Variants in SFSWAP observed in about 807,000 individuals in gnomAD.
The protein encoded by SFSWAP is splicing factor SWAP.
A neutral mutation model predicts 100.7 loss-of-function variants in SFSWAP; 17 were observed. The observed-to-expected ratio is 0.17, with a 90% CI of 0.12 to 0.25. The LOEUF is 0.25. Ranked by LOEUF, SFSWAP falls within the 10% of genes least tolerant of loss-of-function variation. SFSWAP has a pLI of 1.00. For synonymous variants in SFSWAP, 504 were observed against 510.1 expected (o/e 0.99, Z 0.16); for missense variants, 1,005 against 1,262.6 (o/e 0.80, Z 3.09).
intron 13 of SFSWAP, among the ~76,000 whole-genome samples, chr12:131,769,172 A>G (rs1008385753): frequency 6.6e-6 from 1 of 152,118 alleles, no homozygotes. Context: ...TGAAATACAC[A>G]ACAACAAAAA....
At position 131,714,485 on chromosome 12, in the gene SFSWAP, C is replaced by T. The variant is rs1182609619; in HGVS notation, c.388+245C>T. 6.1e-6 allele frequency: 3 copies of T among 494,878 alleles called. No individual in the cohort carries two copies. The highest frequency in any genetic ancestry group is 3.9e-5 in the African/African-American group (2 of 51,902). 30.7% of individuals were successfully genotyped at this position (494,878 alleles called of 1,614,324 possible). ...GGATTTGAAAAAAACAAAAACCAAA[C>T]TCTTTAACTGTTCTTCTTTAACAGT... On this transcript the variant is annotated intron_variant, in intron 2 of 17. Transcript: ENST00000261674. This position sits in a 1 kb window ranked among gnomAD's most constrained non-coding sequence, Gnocchi z 6.0.
At chr12:131,761,399 G>C (rs1428459093) in intron 11 of SFSWAP, among the ~76,000 whole-genome samples, 2 of 152,232 alleles carry the variant, frequency 1.3e-5, no homozygotes, top group Non-Finnish European at 2.9e-5. Flanking sequence ...CCGCCTAGGA[G>C]ATAGTGGACC....
At position 131,764,736 on chromosome 12, in the gene SFSWAP, T is replaced by C. The variant is rs996279951; in HGVS notation, c.1951+50T>C. ...TTGAAAGAAAGGAAATACACAAATA[T>C]AAGATTTATCTGCTAAGCCAAAAAA... On this transcript the variant is annotated intron_variant, in intron 12 of 17. Transcript: ENST00000261674. 5 of 1,370,548 alleles carry C rather than the reference T, an allele frequency of 3.6e-6. No individual in the cohort carries two copies. The South Asian group carries it at 5.1e-5, about 14-fold the overall frequency. The allele number at this position is 1,370,548 out of a possible 1,614,324, so 84.9% of individuals were successfully genotyped here.
intron 15 of SFSWAP, among the ~76,000 whole-genome samples, chr12:131,793,121 C>CTG (rs957608449): frequency 6.6e-6 from 1 of 151,866 alleles, no homozygotes; most frequent in Non-Finnish European, 1.5e-5. Flanking sequence ...GGGTCTCACT[C>CTG]TGTTGCCCAA....
rs745609803 is a variant in SFSWAP, at chr12:131,778,566, A to G, written c.2408+236A>G. On this transcript the variant is annotated intron_variant, in intron 14 of 17. Coordinates refer to ENST00000261674, the MANE Select transcript of SFSWAP (RefSeq NM_004592.4). This position sits in a 1 kb window ranked among gnomAD's most constrained non-coding sequence, Gnocchi z 4.2. ...GAGTTTTGTTCTTGTTGCCCAGGCT[A>G]GAGTGCAGTGGTGCGATCTTGGCTC... is the stretch of plus-strand genomic sequence containing the variant. Among the ~76,000 whole-genome samples the G allele has an allele frequency of 2.0e-5, 3 of 152,128 alleles. No individual in the cohort carries two copies. Among genetic ancestry groups the G allele is most frequent in the Admixed American group, 6.5e-5 (1 of 15,274 alleles).
intron 4 of SFSWAP, among the ~76,000 whole-genome samples, chr12:131,721,283 G>C (rs556948989): frequency 2.0e-4 from 30 of 152,308 alleles, no homozygotes; most frequent in African/African-American, 5.8e-4. Flanking sequence ...GATCCAAACT[G>C]ATCCAAACTA....
chr12:131,732,533 C>T (rs1202164428), intron 7 of SFSWAP, among the ~76,000 whole-genome samples: 2 of 152,252 alleles, frequency 1.3e-5, no homozygotes, highest in African/African-American at 4.8e-5. Context: ...GTCTTGGGCA[C>T]ACCCAGCCCT....
intron 3 of SFSWAP, among the ~76,000 whole-genome samples, chr12:131,718,325 C>T (rs554975083): frequency 2.6e-5 from 4 of 152,214 alleles, no homozygotes; most frequent in East Asian, 3.9e-4. Flanking sequence ...AGGTTTGTTT[C>T]TTTAATGTCA....
chr12:131,740,974 T>TTTTTTTTTTTTTTTTTTTTTTTTTTTG (rs1880566756), intron 7 of SFSWAP, among the ~76,000 whole-genome samples: 1 of 127,172 alleles, frequency 7.9e-6, no homozygotes, highest in African/African-American at 2.8e-5. Context: ...TTCTTTTTTT[T>TTTTTTTTTTTTTTTTTTTTTTTTTTTG]TTTTTTTTTT....
intron 13 of SFSWAP, among the ~76,000 whole-genome samples, chr12:131,770,582 A>C (rs1883507612): frequency 6.6e-6 from 1 of 151,926 alleles, no homozygotes; most frequent in Non-Finnish European, 1.5e-5. Context: ...TGCTAGAGAA[A>C]GGTATAAAAC....
intron 7 of SFSWAP, among the ~76,000 whole-genome samples, chr12:131,743,143 C>T (rs2136210953): frequency 6.6e-6 from 1 of 152,274 alleles, no homozygotes; most frequent in Non-Finnish European, 1.5e-5. Flanking sequence ...TGGGTGGGGA[C>T]ATGGCCAAAC....
chr12:131,773,832 G>A (rs956410879), intron 13 of SFSWAP, among the ~76,000 whole-genome samples: 1 of 152,218 alleles, frequency 6.6e-6, no homozygotes, highest in Non-Finnish European at 1.5e-5. Context: ...AGCTGTTGCT[G>A]TTCACACATG....
At chr12:131,741,032 G>A (rs1249771983) in intron 7 of SFSWAP, among the ~76,000 whole-genome samples, 1 of 138,166 alleles carries the variant, frequency 7.2e-6, no homozygotes, top group African/African-American at 2.7e-5. Flanking sequence ...GAGTGCAGTG[G>A]CACGATCTCA....
At chr12:131,718,257 G>C (rs1878120648) in intron 3 of SFSWAP, among the ~76,000 whole-genome samples, 1 of 152,164 alleles carries the variant, frequency 6.6e-6, no homozygotes, top group African/African-American at 2.4e-5. Context: ...GCAAATTATT[G>C]ATCGCTTCAA....
chr12:131,799,305 GC>G, intron 17 of SFSWAP, 117 bp from the exon 18 acceptor site: 2 of 1,170,250 alleles, frequency 1.7e-6, no homozygotes, highest in Non-Finnish European at 1.3e-6. Context: ...CTCCTCCGCC[GC>G]CCCCACGGTG....
Position 131,786,514 on chromosome 12 carries a change from G to A in SFSWAP, c.2460G>A (p.Arg820=), listed in dbSNP as rs372292421. ...GAGCCCACTCCCCTGAGAGACGGAG[G>A]GAAGAGAGGAGTGTGCCCACTGCCT... The part of the protein sequence containing the change: ...RRRAHSPERR[R]EERSVPTAYR... Residue 820 remains arginine, a synonymous_variant, in exon 15 of 18, where the codon AGG becomes AGA. Coordinates refer to ENST00000261674, the MANE Select transcript of SFSWAP (RefSeq NM_004592.4). 6.3e-7 allele frequency: 1 copy of A among 1,586,978 alleles called. No individual in the cohort carries two copies.
At chr12:131,719,069 G>A (rs539567317) in intron 3 of SFSWAP, among the ~76,000 whole-genome samples, 108 of 152,240 alleles carry the variant, frequency 7.1e-4, no homozygotes, top group African/African-American at 2.3e-3. Context: ...TGTGAGACCC[G>A]CATATATGGA....
chr12:131,730,587 G>C lies in SFSWAP; in HGVS notation c.1081+2159G>C, dbSNP rs1194544760. Among the ~76,000 whole-genome samples the C allele has an allele frequency of 2.0e-5, 3 of 152,202 alleles. No homozygotes were observed. The highest frequency in any genetic ancestry group is 2.0e-4 in the Admixed American group (3 of 15,284). On this transcript the variant is annotated intron_variant, in intron 7 of 17. Transcript: ENST00000261674. This position sits in a 1 kb window ranked among gnomAD's most constrained non-coding sequence, Gnocchi z 4.0. ...GCATGCAGGGGTGGCATTGTGAGCT[G>C]TCTGGGTCAGAAGGCTTGGTACATT...
At chr12:131,740,626 T>C in intron 7 of SFSWAP, among the ~76,000 whole-genome samples, 1 of 152,318 alleles carries the variant, frequency 6.6e-6, no homozygotes, top group African/African-American at 2.4e-5. Flanking sequence ...CTCCCTGTGT[T>C]TCTCTTTGGC....
Sources: allele counts gnomAD v4.1 joint callset (sites outside exome capture counted in the v4.1 genomes callset), GRCh38; gene constraint gnomAD v4.1.1; non-coding constraint Gnocchi (gnomAD v3.1); transcripts MANE v1.5; gene names NCBI Gene and HGNC (gene_info 2026-07-23, HGNC 2026-07-21).